The following SLC16A4 variants were observed in gnomAD, a reference collection of about 807,000 sequenced individuals.
The protein encoded by SLC16A4 is probable monocarboxylate transporter 5.
SLC16A4 carries 39 observed loss-of-function variants against 47.9 expected under a neutral mutation model. That is an observed-to-expected ratio of 0.81 (90% confidence interval 0.63 to 1.06). The LOEUF is 1.06. Among genes scored for constraint, SLC16A4 ranks in the 50% least tolerant of loss-of-function variants. SLC16A4 has a pLI of 0.00. For synonymous variants in SLC16A4, 189 were observed against 199.9 expected (o/e 0.95, Z 0.46); for missense variants, 524 against 573.8 (o/e 0.91, Z 0.89).
At chr1:110,374,676 A>G (rs929564016) in intron 8 of SLC16A4, among the ~76,000 whole-genome samples, 1 of 152,260 alleles carries the variant, frequency 6.6e-6, no homozygotes, top group African/African-American at 2.4e-5. Flanking sequence ...ATGTAAAACT[A>G]CAATTTGAAT....
Position 110,363,607 on chromosome 1 carries a change from A to G in SLC16A4, c.*159T>C, listed in dbSNP as rs1392906219. On this transcript the variant is annotated 3_prime_UTR_variant, in exon 9 of 9. Transcript: ENST00000369779. ...CGCCACTGCACTCCAGCCTGGGCGAAAGAGCGAGACTCCGTCTCAAAAAAA... is the reference window on the plus strand; with the variant it reads ...CGCCACTGCACTCCAGCCTGGGCGAGAGAGCGAGACTCCGTCTCAAAAAAA... The G allele has an allele frequency of 6.3e-6, 4 of 638,998 alleles. No homozygotes were observed. The Admixed American group carries it at 1.2e-4, about 18-fold the overall frequency. The allele number at this position is 638,998 out of a possible 1,614,324, so 39.6% of individuals were successfully genotyped here.
In SLC16A4 at chr1:110,377,004, G is replaced by C; in HGVS notation, c.1188C>G (p.Thr396=). 5.0e-6 allele frequency: 8 copies of C among 1,614,108 alleles called. No individual in the cohort carries two copies. The highest frequency in any genetic ancestry group is 6.8e-6 in the Non-Finnish European group (8 of 1,180,006). The stretch of plus-strand genomic sequence containing the variant: ...CACCAGCAAAGATGGCAAAGCAGAT[G>C]GTGTAGGTCATAAGTAGTGGAAATG... The part of the protein sequence containing the change: ...ATTFPLLMTY[T]ICFAIFAGGY... The change falls in exon 7 of 9, where the codon ACC becomes ACG. Residue 396 remains threonine (T), a synonymous_variant. Coordinates refer to ENST00000369779, the MANE Select transcript of SLC16A4 (RefSeq NM_004696.3).
intron 2 of SLC16A4, among the ~76,000 whole-genome samples, chr1:110,387,317 A>G (rs1288409952): frequency 2.6e-5 from 4 of 152,192 alleles, no homozygotes; most frequent in Non-Finnish European, 5.9e-5. Flanking sequence ...AAATATATAA[A>G]GTGTGGTAAG....
intron 8 of SLC16A4, among the ~76,000 whole-genome samples, chr1:110,367,056 T>C (rs1661436370): frequency 6.6e-6 from 1 of 152,248 alleles, no homozygotes; most frequent in Admixed American, 6.5e-5. Context: ...AATATACATA[T>C]GACTGATTAT....
chr1:110,375,284 A>C, intron 8 of SLC16A4, 174 bp downstream of exon 8: 1 of 608,202 alleles, frequency 1.6e-6, no homozygotes, highest in Non-Finnish European at 3.0e-6. Context: ...ATAATACAAG[A>C]ATCTGAGCCT....
chr1:110,385,409 A>G (rs986862636), intron 2 of SLC16A4, among the ~76,000 whole-genome samples: 1 of 152,232 alleles, frequency 6.6e-6, no homozygotes, highest in South Asian at 2.1e-4. Context: ...CACTCAAACA[A>G]TTAACTGTGG....
chr1:110,373,409 G>C (rs986266172), intron 8 of SLC16A4, among the ~76,000 whole-genome samples: 8 of 152,050 alleles, frequency 5.3e-5, no homozygotes, highest in Non-Finnish European at 8.8e-5. Context: ...ACTGTCCTGG[G>C]TACTAGCCAT....
chr1:110,388,744 A>C (rs978159229), intron 2 of SLC16A4, among the ~76,000 whole-genome samples: 1 of 152,190 alleles, frequency 6.6e-6, no homozygotes, highest in East Asian at 1.9e-4. Flanking sequence ...AGAGTCTCTC[A>C]TGGTTGCCTA....
chr1:110,381,157 GTA>G lies in SLC16A4; in HGVS notation c.365-16_365-15del. On this transcript the variant is annotated splice_polypyrimidine_tract_variant and intron_variant, in intron 4 of 8. Coordinates refer to ENST00000369779, the MANE Select transcript of SLC16A4 (RefSeq NM_004696.3). ...CAGAACCCAAACCTAAAAGAAAAAC[GTA>G]ATAGTTTAGAATCACTCTTACATTA... The G allele has an allele frequency of 6.2e-7, 1 of 1,611,950 alleles. No homozygotes were observed. Among genetic ancestry groups the G allele is most frequent in the Non-Finnish European group, 8.5e-7 (1 of 1,178,460 alleles).
At chr1:110,381,295 A>G (rs757551629) in intron 4 of SLC16A4, 152 bp from the exon 5 acceptor site, 43 of 650,982 alleles carry the variant, frequency 6.6e-5, no homozygotes, top group East Asian at 1.1e-4. Flanking sequence ...TCTATCTTCT[A>G]TGGATGGATG....
At chr1:110,380,657 C>T (rs969824945) in intron 5 of SLC16A4, among the ~76,000 whole-genome samples, 2 of 151,438 alleles carry the variant, frequency 1.3e-5, no homozygotes, top group Admixed American at 6.6e-5. Flanking sequence ...AGGGGGAAGC[C>T]TTATTTCCCC....
At chr1:110,367,649 T>A (rs983041710) in intron 8 of SLC16A4, among the ~76,000 whole-genome samples, 1 of 151,886 alleles carries the variant, frequency 6.6e-6, no homozygotes, top group Admixed American at 6.5e-5. Flanking sequence ...TGAGCTGTGA[T>A]TGTGTCACTG....
chr1:110,383,529 C>A (rs908276011), intron 2 of SLC16A4, among the ~76,000 whole-genome samples: 5 of 152,094 alleles, frequency 3.3e-5, no homozygotes, highest in African/African-American at 9.7e-5. Context: ...GGGGGACCCA[C>A]AACCAGATGA....
At chr1:110,375,410 C>T in intron 8 of SLC16A4, 48 bp downstream of exon 8, 1 of 1,043,794 alleles carries the variant, frequency 9.6e-7, no homozygotes, top group Non-Finnish European at 1.5e-6. Flanking sequence ...ATCAGTTTTT[C>T]TCTTTTATTG....
chr1:110,375,658 T>C, intron 7 of SLC16A4, 107 bp from the exon 8 acceptor site: 1 of 653,218 alleles, frequency 1.5e-6, no homozygotes, highest in South Asian at 2.1e-5. Flanking sequence ...CTATGAACAG[T>C]GACTTCTGGG....
chr1:110,374,271 C>T (rs1386733985), intron 8 of SLC16A4, among the ~76,000 whole-genome samples: 1 of 151,956 alleles, frequency 6.6e-6, no homozygotes, highest in African/African-American at 2.4e-5. Context: ...GAACTCCTGA[C>T]CTCAGGTGAT....
intron 1 of SLC16A4, among the ~76,000 whole-genome samples, chr1:110,390,657 T>C (rs1421241493): frequency 1.3e-5 from 2 of 152,178 alleles, no homozygotes; most frequent in African/African-American, 2.4e-5. Context: ...TAAAGAATGA[T>C]AGCAAAAAGA....
intron 7 of SLC16A4, among the ~76,000 whole-genome samples, chr1:110,376,548 G>C (rs904918852): frequency 6.6e-6 from 1 of 152,178 alleles, no homozygotes; most frequent in Admixed American, 6.5e-5. Context: ...ATAACTTCAA[G>C]AGAGAAACCA....
intron 8 of SLC16A4, among the ~76,000 whole-genome samples, chr1:110,373,472 A>G (rs919287424): frequency 1.3e-5 from 2 of 152,136 alleles, no homozygotes; most frequent in Non-Finnish European, 2.9e-5. Flanking sequence ...ACTAGTCCCT[A>G]TATAAAAATT....
Sources: gnomAD v4.1 joint callset for allele counts (sites outside exome capture counted in the v4.1 genomes callset) on GRCh38, gnomAD v4.1.1 for gene constraint, MANE v1.5 for transcripts, NCBI Gene and HGNC (gene_info 2026-07-23, HGNC 2026-07-21) for gene names.